Variants in SKIL observed in about 807,000 individuals in gnomAD.
The protein encoded by SKIL is ski-like protein.
A neutral mutation model predicts 69.6 loss-of-function variants in SKIL; 20 were observed. That is an observed-to-expected ratio of 0.29 (90% CI 0.20 to 0.42). The LOEUF is 0.42. Ranked by LOEUF, SKIL falls within the 10% of genes least tolerant of loss-of-function variation. The pLI, the probability that SKIL is intolerant of heterozygous loss-of-function variation, is 1.00. For missense variants in SKIL, 745 were observed against 783.1 expected (o/e 0.95, Z 0.58); for synonymous variants, 310 against 279.9 (o/e 1.11, Z -1.08).
chr3:170,370,402 A>G (rs1011969489), intron 2 of SKIL, among the ~76,000 whole-genome samples: 1 of 145,802 alleles, frequency 6.9e-6, no homozygotes, highest in African/African-American at 2.5e-5. Context: ...TTCTATATAT[A>G]CATATATATG....
chr3:170,360,551 A>ACTT lies in SKIL; in HGVS notation c.223_225dup (p.Ser75dup). On this transcript the variant is annotated inframe_insertion, in exon 2 of 7. Transcript: ENST00000259119. ...TGGAGAGCATGTTAAGCGAACCTGT[A>ACTT]CTTCTGTTCCTGAAACTTTGCATTT... The ACTT allele has an allele frequency of 1.2e-6, 2 of 1,614,228 alleles. No individual in the cohort carries two copies. Among genetic ancestry groups the ACTT allele is most frequent in the Non-Finnish European group, 1.7e-6 (2 of 1,180,040 alleles).
At chr3:170,381,475 C>G in intron 3 of SKIL, 134 bp downstream of exon 3, 1 of 579,860 alleles carries the variant, frequency 1.7e-6, no homozygotes, top group Non-Finnish European at 3.1e-6. Flanking sequence ...CTCTGTTACC[C>G]AGGCTGGAGT....
chr3:170,391,329 T>C, intron 6 of SKIL, 69 bp downstream of exon 6: 2 of 904,370 alleles, frequency 2.2e-6, no homozygotes, highest in South Asian at 3.5e-5. Flanking sequence ...TCTCTCTTTT[T>C]TTTTTTTGAG....
At chr3:170,389,316 CT>C (rs763858925) in intron 4 of SKIL, among the ~76,000 whole-genome samples, 229 of 137,028 alleles carry the variant, frequency 1.7e-3, no homozygotes, top group Admixed American at 2.0e-3. Context: ...TTATTCTTTC[CT>C]TTTTTTTTTT....
chr3:170,363,507 C>T (rs1736341852), intron 2 of SKIL, among the ~76,000 whole-genome samples: 1 of 150,562 alleles, frequency 6.6e-6, no homozygotes, highest in African/African-American at 2.4e-5. Context: ...TTTTTTGAGA[C>T]AGAGTTTCGC....
In SKIL at chr3:170,381,258, A is replaced by G. The variant is rs1274460569; in HGVS notation, c.1113A>G (p.Ser371=). ...TTTTTCTGCAGACAGATGCACCATC[A>G]GGAATGGAATTACAGTCATGGTATC... The part of the protein sequence containing the change: ...KRNQSKTDAP[S]GMELQSWYPV... The change falls in exon 3 of 7, where the codon TCA becomes TCG. Residue 371 remains serine, a synonymous_variant. Transcript: ENST00000259119. The G allele has an allele frequency of 1.3e-6, 2 of 1,570,492 alleles. No individual in the cohort carries two copies. The highest frequency in any genetic ancestry group is 1.4e-5 in the African/African-American group (1 of 74,026).
chr3:170,368,225 C>G (rs992115545), intron 2 of SKIL, among the ~76,000 whole-genome samples: 1 of 152,118 alleles, frequency 6.6e-6, no homozygotes, highest in African/African-American at 2.4e-5. Context: ...AATTTTTGAT[C>G]AAGTGGGGAT....
intron 4 of SKIL, among the ~76,000 whole-genome samples, chr3:170,388,656 G>A (rs1454405521): frequency 1.3e-5 from 2 of 151,884 alleles, no homozygotes; most frequent in Admixed American, 6.6e-5. Flanking sequence ...TCTCAAACTC[G>A]TGAGCTTAAG....
chr3:170,394,699 T>C lies in SKIL; in HGVS notation c.*2282T>C, dbSNP rs890551892. On this transcript the variant is annotated 3_prime_UTR_variant, in exon 7 of 7. Transcript: ENST00000259119. ...CCACATGACATTGTATCGTCTTCAT[T>C]TTCCAGAAGATGCGTTGGTGTGCCA... 3.9e-5 allele frequency: 6 copies of C among 152,354 alleles called. No homozygotes were observed. The highest frequency in any genetic ancestry group is 2.6e-4 in the Admixed American group (4 of 15,298). The allele number at this position is 152,354 out of a possible 1,614,324, so 9.4% of individuals were successfully genotyped here. A position where few individuals can be genotyped will look rare whatever the true frequency, so the allele number is the denominator to read the frequency against.
At chr3:170,369,546 CAT>C (rs1354339449) in intron 2 of SKIL, among the ~76,000 whole-genome samples, 1 of 152,130 alleles carries the variant, frequency 6.6e-6, no homozygotes, top group Non-Finnish European at 1.5e-5. Flanking sequence ...GAATTACAGT[CAT>C]GTGCCACCAT....
chr3:170,387,761 A>AAAAAAAAAAC (rs1197377587), intron 4 of SKIL, among the ~76,000 whole-genome samples: 3 of 127,368 alleles, frequency 2.4e-5, no homozygotes, highest in Non-Finnish European at 3.5e-5. Flanking sequence ...GTCTCTACTA[A>AAAAAAAAAAC]AAAAAAAAAA....
chr3:170,373,938 C>T (rs572775896), intron 2 of SKIL, among the ~76,000 whole-genome samples: 1 of 151,972 alleles, frequency 6.6e-6, no homozygotes, highest in Non-Finnish European at 1.5e-5. Context: ...AATTCGAATA[C>T]TTGTATGAAT....
rs1560223782 is a variant in SKIL, at chr3:170,392,922, CT to C, written c.*508del. On this transcript the variant is annotated 3_prime_UTR_variant, in exon 7 of 7. Transcript: ENST00000259119. ...TTAACATACACCAAATTTACTTTTA[CT>C]TTGTTCAGATTGTGGAATGAATTTC... 6.6e-6 allele frequency: 1 copy of C among 152,124 alleles called. No homozygotes were observed. Among genetic ancestry groups the C allele is most frequent in the Non-Finnish European group, 1.5e-5 (1 of 68,056 alleles). The allele number at this position is 152,124 out of a possible 1,614,324, so 9.4% of individuals were successfully genotyped here.
chr3:170,358,105 T>G (rs934111402), intron 1 of SKIL, among the ~76,000 whole-genome samples: 1 of 151,874 alleles, frequency 6.6e-6, no homozygotes, highest in African/African-American at 2.4e-5. Flanking sequence ...CCAGCAGCGC[T>G]CCGCGGGGAT....
chr3:170,372,988 A>ATT (rs34211986), intron 2 of SKIL, among the ~76,000 whole-genome samples: 69,864 of 134,084 alleles, frequency 0.52, 19,144 homozygotes, highest in East Asian at 0.71. Flanking sequence ...ATAATTTTCA[A>ATT]TTTTTTTTTT....
At chr3:170,367,329 C>G (rs984684120) in intron 2 of SKIL, among the ~76,000 whole-genome samples, 5 of 152,068 alleles carry the variant, frequency 3.3e-5, no homozygotes, top group African/African-American at 1.2e-4. Flanking sequence ...CCAGGATGGT[C>G]TCGATCTCCT....
intron 3 of SKIL, among the ~76,000 whole-genome samples, chr3:170,382,413 A>ATT (rs773770207): frequency 0.02 from 2,437 of 119,038 alleles, 79 homozygotes; most frequent in African/African-American, 0.062. Context: ...TGCAACTTTG[A>ATT]TTTTTTTTTT....
At chr3:170,368,623 A>G (rs1375629355) in intron 2 of SKIL, among the ~76,000 whole-genome samples, 1 of 152,150 alleles carries the variant, frequency 6.6e-6, no homozygotes, top group South Asian at 2.1e-4. Flanking sequence ...AATATTATGT[A>G]TTTGAGGAGT....
chr3:170,360,927 C>A lies in SKIL; in HGVS notation c.596C>A (p.Ser199Ter). Residue 199 changes from serine (S) to a stop codon, truncating the protein, a stop_gained, in exon 2 of 7, where the codon TCA (serine) becomes TAA (stop). Coordinates refer to ENST00000259119, the MANE Select transcript of SKIL (RefSeq NM_005414.5). LOFTEE classifies it high-confidence loss of function. ...ELYIYCSRCT[S>*]DQLHILKVLG... Reference sequence around the variant, plus strand: ...TACATATATTGTTCAAGGTGTACTTCAGACCAGCTTCATATCTTAAAGGTA... The same window carrying A: ...TACATATATTGTTCAAGGTGTACTTAAGACCAGCTTCATATCTTAAAGGTA... 1.2e-6 allele frequency: 2 copies of A among 1,614,184 alleles called. No individual in the cohort carries two copies. The highest frequency in any genetic ancestry group is 8.5e-7 in the Non-Finnish European group (1 of 1,180,030).
Sources: gnomAD v4.1 joint callset for allele counts (sites outside exome capture counted in the v4.1 genomes callset) on GRCh38, gnomAD v4.1.1 for gene constraint, MANE v1.5 for transcripts, NCBI Gene and HGNC (gene_info 2026-07-23, HGNC 2026-07-21) for gene names.